Variants in FHIT observed in about 807,000 individuals in gnomAD.
The protein encoded by FHIT is fragile histidine triad diadenosine triphosphatase, also known as bis(5'-adenosyl)-triphosphatase.
In FHIT, 19 loss-of-function variants were observed where a neutral mutation model predicts 17.9. That is an observed-to-expected ratio of 1.06 (90% CI 0.74 to 1.56). FHIT has a LOEUF of 1.56. Ranked by LOEUF, FHIT falls within the 40% of genes most tolerant of loss-of-function variation. The probability of loss-of-function intolerance (pLI) is 0.00; values close to 1 mark genes in which losing one functional copy is unlikely to be tolerated. For missense variants in FHIT, 248 were observed against 189.2 expected, an observed-to-expected ratio of 1.31 and a Z score of -1.82; for synonymous variants, 81 against 69.7, an observed-to-expected ratio of 1.16 and a Z score of -0.81.
intron 4 of FHIT, among the ~76,000 whole-genome samples, chr3:60,778,128 A>G (rs1360545231): frequency 6.6e-5 from 10 of 152,176 alleles, no homozygotes; most frequent in African/African-American, 9.7e-5. Flanking sequence ...TAATGCCAAT[A>G]TATGTTCCAA....
intron 5 of FHIT, among the ~76,000 whole-genome samples, chr3:60,476,803 C>T (rs1325994488): frequency 6.6e-6 from 1 of 151,430 alleles, no homozygotes; most frequent in African/African-American, 2.4e-5. Context: ...GTCGGAGGTA[C>T]TTAAGTGAGC....
intron 5 of FHIT, among the ~76,000 whole-genome samples, chr3:60,341,504 G>A (rs1237440667): frequency 4.6e-5 from 7 of 152,162 alleles, no homozygotes; most frequent in Admixed American, 6.5e-5. Context: ...ATAATTACTT[G>A]TAGAAAATCT....
intron 8 of FHIT, among the ~76,000 whole-genome samples, chr3:59,761,989 C>A (rs112205369): frequency 8.5e-4 from 129 of 152,234 alleles, no homozygotes; most frequent in African/African-American, 2.8e-3. Flanking sequence ...TTTGGCATAT[C>A]TGAATTGCCA....
intron 5 of FHIT, among the ~76,000 whole-genome samples, chr3:60,103,436 GACAAAAACAAACAAACACC>G (rs1704275611): frequency 6.6e-6 from 1 of 152,110 alleles, no homozygotes; most frequent in African/African-American, 2.4e-5. Context: ...ACACGTTTTA[GACAAAAACAAACAAACACC>G]ACGATAAATT....
intron 3 of FHIT, among the ~76,000 whole-genome samples, chr3:60,956,458 G>T (rs1709164209): frequency 6.6e-6 from 1 of 152,120 alleles, no homozygotes; most frequent in Non-Finnish European, 1.5e-5. Flanking sequence ...TTACTTTATT[G>T]TCCCTACCTT....
chr3:60,430,509 T>A (rs1353207319), intron 5 of FHIT, among the ~76,000 whole-genome samples: 1 of 151,434 alleles, frequency 6.6e-6, no homozygotes, highest in Non-Finnish European at 1.5e-5. Flanking sequence ...AAGGGCAATA[T>A]TTTTTTTTCT....
chr3:60,476,845 A>G (rs2033370484), intron 5 of FHIT, among the ~76,000 whole-genome samples: 2 of 124,322 alleles, frequency 1.6e-5, no homozygotes, highest in African/African-American at 3.2e-5. Flanking sequence ...CACCCGGGGA[A>G]GGATTTTTTT....
At chr3:60,788,263 C>T (rs1449112748) in intron 4 of FHIT, among the ~76,000 whole-genome samples, 1 of 151,870 alleles carries the variant, frequency 6.6e-6, no homozygotes, top group Non-Finnish European at 1.5e-5. Context: ...TGCACTCCAG[C>T]CTGGGCAACA....
chr3:60,561,836 T>C (rs956683001), intron 4 of FHIT, among the ~76,000 whole-genome samples: 1 of 151,234 alleles, frequency 6.6e-6, no homozygotes, highest in African/African-American at 2.4e-5. Flanking sequence ...ATTCTTAATA[T>C]CAAAACATTC....
At chr3:61,070,750 T>C (rs140986670) in intron 2 of FHIT, among the ~76,000 whole-genome samples, 1,790 of 152,256 alleles carry the variant, frequency 0.012, 94 homozygotes, top group Admixed American at 0.093. Context: ...TGACATGCTA[T>C]ATATTTTGAG....
intron 5 of FHIT, among the ~76,000 whole-genome samples, chr3:60,117,829 T>C (rs1263963854): frequency 6.6e-6 from 1 of 152,118 alleles, no homozygotes; most frequent in Non-Finnish European, 1.5e-5. Flanking sequence ...GCTTCCTCTG[T>C]ACAACCTTCA....
At chr3:60,215,520 G>A (rs961230609) in intron 5 of FHIT, among the ~76,000 whole-genome samples, 7 of 152,146 alleles carry the variant, frequency 4.6e-5, no homozygotes, top group African/African-American at 1.7e-4. Context: ...CCAAGATCGC[G>A]CCACTGCAGT....
chr3:60,372,782 T>G lies in FHIT; in HGVS notation c.103+164078A>C, dbSNP rs190938354. ...CTATGGCTCCTACTTTCTCACAGAC[T>G]TTTTTTTTAAAATGTATTTGGAGGC... On this transcript the variant is annotated intron_variant, in intron 5 of 9. Coordinates refer to ENST00000492590, the MANE Select transcript of FHIT (RefSeq NM_002012.4). 3.1e-3 allele frequency among the ~76,000 whole-genome samples: 467 copies of G among 151,790 alleles called. 13 individuals are homozygous for G. Among genetic ancestry groups the G allele is most frequent in the Admixed American group, 0.023 (351 of 15,250 alleles).
At chr3:59,782,567 C>T (rs1702640706) in intron 8 of FHIT, among the ~76,000 whole-genome samples, 1 of 152,162 alleles carries the variant, frequency 6.6e-6, no homozygotes, top group Non-Finnish European at 1.5e-5. Context: ...ACTGGAAGCA[C>T]GTTCATTTAA....
chr3:60,759,841 G>T (rs1699576897), intron 4 of FHIT, among the ~76,000 whole-genome samples: 1 of 152,156 alleles, frequency 6.6e-6, no homozygotes, highest in Non-Finnish European at 1.5e-5. Context: ...CAACTCCTCT[G>T]ATGTTCTTTG....
chr3:60,801,157 A>C (rs76284788), intron 4 of FHIT, among the ~76,000 whole-genome samples: 1 of 152,184 alleles, frequency 6.6e-6, no homozygotes, highest in African/African-American at 2.4e-5. Flanking sequence ...TGCTTCAGAC[A>C]TGTCTAAACA....
chr3:60,934,386 C>G (rs781925484), intron 3 of FHIT, among the ~76,000 whole-genome samples: 1 of 152,154 alleles, frequency 6.6e-6, no homozygotes, highest in Non-Finnish European at 1.5e-5. Flanking sequence ...CTGGAAAAAG[C>G]TGAAATAGCT....
intron 5 of FHIT, among the ~76,000 whole-genome samples, chr3:60,124,009 TAGAGAGAGAGAG>T (rs1168094593): frequency 9.9e-4 from 12 of 12,156 alleles, no homozygotes; most frequent in Admixed American, 1.3e-3. Context: ...TATATATATA[TAGAGAGAGAGAG>T]AGAGAGAGAG....
chr3:60,113,784 G>A (rs1206716488), intron 5 of FHIT, among the ~76,000 whole-genome samples: 2 of 150,274 alleles, frequency 1.3e-5, no homozygotes, highest in African/African-American at 2.5e-5. Context: ...AGCGGATCAC[G>A]AGGTGAGGAG....
Sources: gnomAD v4.1 joint callset for allele counts (sites outside exome capture counted in the v4.1 genomes callset) on GRCh38, gnomAD v4.1.1 for gene constraint, MANE v1.5 for transcripts, NCBI Gene and HGNC (gene_info 2026-07-23, HGNC 2026-07-21) for gene names.